The following CHLSN variants were observed in gnomAD, a reference collection of about 807,000 sequenced individuals.
CHLSN encodes the protein cholesin.
At chr7:1,070,883 T>C in the CHLSN span, among the ~76,000 whole-genome samples, 5 of 130,500 alleles carry the variant, frequency 3.8e-5, no homozygotes, top group Non-Finnish European at 7.9e-5. Context: ...CACGTGCACA[T>C]GCACACACGT....
At chr7:1,054,644 G>C in the CHLSN span, among the ~76,000 whole-genome samples, 1 of 152,228 alleles carries the variant, frequency 6.6e-6, no homozygotes, top group African/African-American at 2.4e-5. Flanking sequence ...GGCATTAGCA[G>C]TCCAGGCAGC....
chr7:1,095,287 C>A, the CHLSN span, among the ~76,000 whole-genome samples: 1 of 145,910 alleles, frequency 6.9e-6, no homozygotes, highest in East Asian at 2.2e-4. Flanking sequence ...CCCCACCCCC[C>A]ACACCTGGGC....
chr7:1,106,986 G>C, the CHLSN span, among the ~76,000 whole-genome samples: 5 of 152,148 alleles, frequency 3.3e-5, no homozygotes, highest in African/African-American at 1.2e-4. Flanking sequence ...ACTGCACCAG[G>C]CCACGGGGAA....
chr7:1,037,120 T>A, the CHLSN span, among the ~76,000 whole-genome samples: 2 of 143,898 alleles, frequency 1.4e-5, no homozygotes, highest in Admixed American at 1.4e-4. Flanking sequence ...CAAAAAAAAA[T>A]TTTTTTTAGC....
chr7:1,035,105 T>C, the CHLSN span, among the ~76,000 whole-genome samples: 19 of 152,248 alleles, frequency 1.2e-4, no homozygotes, highest in Admixed American at 6.5e-4. Flanking sequence ...GCTGGTGTCA[T>C]GTCTTTGCTA....
chr7:1,023,063 C>T, the CHLSN span: 1 of 446,648 alleles, frequency 2.2e-6, no homozygotes, highest in South Asian at 1.6e-5. The surrounding 1 kb of genome is among the most constrained non-coding windows in gnomAD (Gnocchi z 5.0). Flanking sequence ...GCCACCCCTG[C>T]AGAGCATGGG....
At chr7:1,005,442 C>A in the CHLSN span, among the ~76,000 whole-genome samples, 6 of 152,246 alleles carry the variant, frequency 3.9e-5, no homozygotes, top group Non-Finnish European at 8.8e-5. Flanking sequence ...AACTGCCAGC[C>A]GCGGTGAGCT....
At chr7:997,540 C>T in the CHLSN span, 269 of 1,239,850 alleles carry the variant, frequency 2.2e-4, no homozygotes, top group South Asian at 2.8e-3. Flanking sequence ...CTGGTGAACC[C>T]GGCCCCCACC....
At chr7:1,078,708 C>T in the CHLSN span, among the ~76,000 whole-genome samples, 1 of 152,378 alleles carries the variant, frequency 6.6e-6, no homozygotes, top group South Asian at 2.1e-4. Flanking sequence ...GCTTCGCTGC[C>T]TTACAACCAT....
chr7:1,084,275 G>T, the CHLSN span, among the ~76,000 whole-genome samples: 1 of 152,254 alleles, frequency 6.6e-6, no homozygotes, highest in South Asian at 2.1e-4. Flanking sequence ...GTCACGCGGA[G>T]GCGGGGGACG....
At chr7:1,093,318 G>A in the CHLSN span, 1 of 425,188 alleles carries the variant, frequency 2.4e-6, no homozygotes. Flanking sequence ...GTGCTGGTGG[G>A]TCTGAGCTGG....
At chr7:1,066,752 G>A in the CHLSN span, among the ~76,000 whole-genome samples, 4 of 152,246 alleles carry the variant, frequency 2.6e-5, no homozygotes, top group Admixed American at 6.5e-5. Context: ...AGCCCGGCAC[G>A]AGGGAAGGCC....
chr7:1,125,248 A>G, the CHLSN span, among the ~76,000 whole-genome samples: 1 of 152,190 alleles, frequency 6.6e-6, no homozygotes, highest in Non-Finnish European at 1.5e-5. Context: ...GACCCCTCCA[A>G]GCACTGGCTG....
chr7:1,091,544 C>T, the CHLSN span: 1 of 591,944 alleles, frequency 1.7e-6, no homozygotes, highest in Admixed American at 3.2e-5. Flanking sequence ...CTGTTCTTCC[C>T]ACTCTCTGCA....
chr7:1,102,015 G>A, the CHLSN span, among the ~76,000 whole-genome samples: 1 of 152,262 alleles, frequency 6.6e-6, no homozygotes, highest in African/African-American at 2.4e-5. Context: ...GCCCATAGAA[G>A]TCATCACAGC....
At chr7:1,078,519 G>C in the CHLSN span, among the ~76,000 whole-genome samples, 4 of 152,210 alleles carry the variant, frequency 2.6e-5, no homozygotes, top group Non-Finnish European at 5.9e-5. Context: ...TCAGGTGGGA[G>C]TCCTGTGAGA....
chr7:1,069,160 C>T, the CHLSN span, among the ~76,000 whole-genome samples: 12 of 152,278 alleles, frequency 7.9e-5, no homozygotes, highest in African/African-American at 1.2e-4. Context: ...GGAGAAACCC[C>T]GTCTGTACTA....
At chr7:1,009,971 A>AGTTCGGCCCC in the CHLSN span, 1 of 1,568,988 alleles carries the variant, frequency 6.4e-7, no homozygotes, top group African/African-American at 1.3e-5. Context: ...GTCCAGGGCC[A>AGTTCGGCCCC]GTTCGGCCCC....
the CHLSN span, among the ~76,000 whole-genome samples, chr7:1,060,914 C>T: frequency 3.3e-5 from 5 of 152,172 alleles, no homozygotes; most frequent in South Asian, 2.1e-4. Context: ...CCCTGCCCAG[C>T]GGCTGGCGCC....
Sources: gnomAD v4.1 joint callset for allele counts (sites outside exome capture counted in the v4.1 genomes callset) on GRCh38, gnomAD v4.1.1 for gene constraint, Gnocchi (gnomAD v3.1) non-coding constraint, MANE v1.5 for transcripts, NCBI Gene and HGNC (gene_info 2026-07-23, HGNC 2026-07-21) for gene names.